BCAP29: variants seen among roughly 807,000 people sequenced by gnomAD.
BCAP29 encodes B cell receptor associated protein 29, also known as B-cell receptor-associated protein 29.
In BCAP29, 34 loss-of-function variants were observed where a neutral mutation model predicts 31.8. The ratio of observed to expected loss-of-function variants is 1.07; its 90% CI spans 0.81 to 1.42. BCAP29 has a LOEUF of 1.42. Ranked by LOEUF, BCAP29 falls within the 40% of genes most tolerant of loss-of-function variation. BCAP29 has a pLI of 0.00. For synonymous variants in BCAP29, 104 were observed against 91.3 expected, an observed-to-expected ratio of 1.14 and a Z score of -0.79; for missense variants, 314 against 269.2, an observed-to-expected ratio of 1.17 and a Z score of -1.16.
intron 1 of BCAP29, 68 bp from the exon 2 acceptor site, chr7:107,580,691 C>G: frequency 9.3e-7 from 1 of 1,080,006 alleles, no homozygotes; most frequent in Non-Finnish European, 1.4e-6. Context: ...AAAAACGCTG[C>G]GCCTCGGGGC....
intron 5 of BCAP29, among the ~76,000 whole-genome samples, chr7:107,597,041 C>T (rs1809980202): frequency 6.6e-6 from 1 of 152,178 alleles, no homozygotes. Context: ...AGCCAGTACA[C>T]AGTGGGGAGA....
chr7:107,590,820 G>GAAAA (rs751097308), intron 3 of BCAP29, among the ~76,000 whole-genome samples: 11 of 142,178 alleles, frequency 7.7e-5, no homozygotes, highest in Non-Finnish European at 9.4e-5. Context: ...CCCTGTCTCA[G>GAAAA]AAAAAAAAAA....
chr7:107,600,584 C>G, intron 6 of BCAP29, 79 bp downstream of exon 6: 1 of 744,486 alleles, frequency 1.3e-6, no homozygotes, highest in South Asian at 2.0e-5. Flanking sequence ...TTTCCTAAAA[C>G]AAAACTAATG....
At position 107,592,675 on chromosome 7, in the gene BCAP29, C is replaced by T. The variant is rs534371320; in HGVS notation, c.194-1280C>T. Among the ~76,000 whole-genome samples the T allele has an allele frequency of 3.3e-5, 5 of 152,328 alleles. No individual in the cohort carries two copies. The South Asian group carries it at 1.0e-3, about 32-fold the overall frequency. ...ATTCATAATAGCCGGAAGGTGGAAA[C>T]AGCTCAATGCCATCAACCAATGAAT... is the stretch of plus-strand genomic sequence containing the variant. On this transcript the variant is annotated intron_variant, in intron 3 of 7. Transcript: ENST00000005259.
chr7:107,580,411 C>CCCGGT (rs1386090499), intron 1 of BCAP29, 110 bp downstream of exon 1: 12 of 239,742 alleles, frequency 5.0e-5, no homozygotes, highest in African/African-American at 2.4e-4. Context: ...CCCGGCCCGG[C>CCCGGT]CCGGTCCGCG....
intron 7 of BCAP29, among the ~76,000 whole-genome samples, chr7:107,616,935 C>T (rs1814275197): frequency 6.6e-6 from 1 of 152,166 alleles, no homozygotes; most frequent in African/African-American, 2.4e-5. Context: ...GACAGGGTTT[C>T]ACCATGTTGG....
Position 107,596,033 on chromosome 7 carries a change from T to C in BCAP29, c.480+31T>C, listed in dbSNP as rs184507605. 11 of 1,533,996 alleles carry C rather than the reference T, an allele frequency of 7.2e-6. 1 individual carries two copies. In the Admixed American group the frequency reaches 1.3e-4, roughly 19 times the overall value. Reference sequence around the variant, plus strand: ...TAATTTTCTTTGTAAAAATTAAATGTTGTTGGTGTTCCCGAGGAGTAATGT... The same window carrying C: ...TAATTTTCTTTGTAAAAATTAAATGCTGTTGGTGTTCCCGAGGAGTAATGT... On this transcript the variant is annotated intron_variant, in intron 5 of 7. Coordinates refer to ENST00000005259, the MANE Select transcript of BCAP29 (RefSeq NM_018844.4).
chr7:107,612,394 TATATATATATA>T (rs1813302195), intron 6 of BCAP29, among the ~76,000 whole-genome samples: 4 of 9,302 alleles, frequency 4.3e-4, no homozygotes, highest in South Asian at 9.3e-3. Flanking sequence ...TATTGTTTTA[TATATATATATA>T]TATATATATA....
chr7:107,581,529 TC>T (rs1806667185), intron 2 of BCAP29, among the ~76,000 whole-genome samples: 1 of 152,236 alleles, frequency 6.6e-6, no homozygotes, highest in Admixed American at 6.5e-5. Context: ...CTTGCAGTAA[TC>T]TACTTTTTAG....
At chr7:107,580,638 C>A (rs555008773) in intron 1 of BCAP29, 121 bp from the exon 2 acceptor site, 109 of 670,094 alleles carry the variant, frequency 1.6e-4, no homozygotes, top group Non-Finnish European at 2.6e-4. Flanking sequence ...CCGTGCTTGC[C>A]TTCCCAGGTG....
chr7:107,584,436 A>C (rs1332165532), intron 3 of BCAP29, among the ~76,000 whole-genome samples: 2 of 152,178 alleles, frequency 1.3e-5, no homozygotes, highest in Admixed American at 1.3e-4. Context: ...TGGCCGGGCG[A>C]GGTGGCTCAG....
At chr7:107,589,479 G>A (rs1443567476) in intron 3 of BCAP29, among the ~76,000 whole-genome samples, 1 of 152,042 alleles carries the variant, frequency 6.6e-6, no homozygotes, top group Non-Finnish European at 1.5e-5. Flanking sequence ...TTCACAAAAG[G>A]GCTTCCACTC....
intron 6 of BCAP29, among the ~76,000 whole-genome samples, chr7:107,608,211 AAAT>A (rs1563139165): frequency 1.3e-5 from 2 of 152,082 alleles, no homozygotes; most frequent in African/African-American, 4.8e-5. Context: ...AAAAAAAAAA[AAAT>A]AAGAAAGGGA....
chr7:107,596,034 T>A, intron 5 of BCAP29, 32 bp downstream of exon 5: 1 of 1,534,788 alleles, frequency 6.5e-7, no homozygotes. Flanking sequence ...AATTAAATGT[T>A]GTTGGTGTTC....
intron 2 of BCAP29, among the ~76,000 whole-genome samples, chr7:107,583,632 A>G (rs943644570): frequency 2.6e-5 from 4 of 152,110 alleles, no homozygotes; most frequent in Admixed American, 6.6e-5. Flanking sequence ...TTGCTCATGT[A>G]TGGTTTACTT....
chr7:107,596,915 G>C (rs778082780), intron 5 of BCAP29, among the ~76,000 whole-genome samples: 2 of 152,072 alleles, frequency 1.3e-5, no homozygotes, highest in African/African-American at 4.8e-5. Flanking sequence ...TTGACCCTGC[G>C]TGATTTATTC....
At chr7:107,584,906 C>T (rs564201903) in intron 3 of BCAP29, among the ~76,000 whole-genome samples, 1 of 152,194 alleles carries the variant, frequency 6.6e-6, no homozygotes, top group South Asian at 2.1e-4. Flanking sequence ...AATGACCATG[C>T]CCATTTGTTT....
chr7:107,586,488 C>T (rs967349046), intron 3 of BCAP29, among the ~76,000 whole-genome samples: 4 of 152,100 alleles, frequency 2.6e-5, no homozygotes, highest in African/African-American at 9.7e-5. Flanking sequence ...GGTGCTTATC[C>T]TCTAGGTCTC....
intron 7 of BCAP29, among the ~76,000 whole-genome samples, chr7:107,617,270 A>G (rs1161987857): frequency 6.6e-6 from 1 of 152,212 alleles, no homozygotes; most frequent in African/African-American, 2.4e-5. Context: ...CATAAAACGA[A>G]AGATCATTAA....
Sources: gnomAD v4.1 joint callset for allele counts (sites outside exome capture counted in the v4.1 genomes callset) on GRCh38, gnomAD v4.1.1 for gene constraint, MANE v1.5 for transcripts, NCBI Gene and HGNC (gene_info 2026-07-23, HGNC 2026-07-21) for gene names.